CDH13: variants seen among roughly 807,000 people sequenced by gnomAD.
CDH13 encodes cadherin-13.
CDH13 carries 24 observed loss-of-function variants against 63.8 expected under a neutral mutation model. The observed-to-expected ratio is 0.38, with a 90% CI of 0.27 to 0.53. CDH13 has a LOEUF of 0.53. CDH13 is among the 20% of genes least tolerant of loss of function. The pLI is 0.85. For synonymous variants in CDH13, 503 were observed against 355.3 expected (o/e 1.42, Z -4.67); for missense variants, 1,049 against 903.1 (o/e 1.16, Z -2.07).
intron 6 of CDH13, among the ~76,000 whole-genome samples, chr16:83,441,418 A>G (rs2072476731): frequency 1.3e-5 from 2 of 152,224 alleles, no homozygotes; most frequent in African/African-American, 4.8e-5. Flanking sequence ...TGTAAAACTT[A>G]TGTTCCTACC....
At chr16:83,623,075 C>T (rs1477005341) in intron 8 of CDH13, among the ~76,000 whole-genome samples, 1 of 152,212 alleles carries the variant, frequency 6.6e-6, no homozygotes, top group Non-Finnish European at 1.5e-5. Context: ...TCCTTTAAGA[C>T]TTGGCTCTGC....
intron 10 of CDH13, among the ~76,000 whole-genome samples, chr16:83,724,310 T>A (rs556103865): frequency 6.7e-6 from 1 of 148,682 alleles, no homozygotes; most frequent in African/African-American, 2.5e-5. Context: ...CATGGGTGAG[T>A]GATGAATGAA....
At chr16:82,717,835 C>A (rs1202189585) in intron 1 of CDH13, among the ~76,000 whole-genome samples, 3 of 150,936 alleles carry the variant, frequency 2.0e-5, no homozygotes, top group Non-Finnish European at 1.5e-5. Context: ...GATCATTATT[C>A]AGCCTACTGT....
intron 4 of CDH13, among the ~76,000 whole-genome samples, chr16:83,128,501 A>G (rs1366913070): frequency 6.6e-6 from 1 of 152,198 alleles, no homozygotes; most frequent in Non-Finnish European, 1.5e-5. Flanking sequence ...AGTACACAAT[A>G]CTTTCAGTTG....
At chr16:83,168,072 G>A (rs2037761190) in intron 4 of CDH13, among the ~76,000 whole-genome samples, 1 of 151,754 alleles carries the variant, frequency 6.6e-6, no homozygotes, top group Non-Finnish European at 1.5e-5. Context: ...AGAGGGGTAT[G>A]AGGGTTGAAA....
At chr16:83,424,678 G>T (rs569242308) in intron 6 of CDH13, among the ~76,000 whole-genome samples, 1 of 152,308 alleles carries the variant, frequency 6.6e-6, no homozygotes, top group Non-Finnish European at 1.5e-5. Context: ...GAATGAAAAA[G>T]TAATCTTTAG....
chr16:82,927,097 C>T (rs536480689), intron 2 of CDH13, among the ~76,000 whole-genome samples: 2 of 152,200 alleles, frequency 1.3e-5, no homozygotes, highest in African/African-American at 4.8e-5. Context: ...TGGCTGTTGG[C>T]CACAGTATCC....
intron 10 of CDH13, among the ~76,000 whole-genome samples, chr16:83,707,836 C>CAAAAAAA (rs61067563): frequency 5.6e-4 from 44 of 78,848 alleles, no homozygotes; most frequent in East Asian, 4.1e-3. Context: ...ACCCTAAAGG[C>CAAAAAAA]AAAAAAAAAA....
chr16:83,687,017 C>G (rs772304104), intron 10 of CDH13, among the ~76,000 whole-genome samples: 1 of 152,138 alleles, frequency 6.6e-6, no homozygotes, highest in Non-Finnish European at 1.5e-5. Context: ...CAAGAACAGC[C>G]TGACCAACAT....
intron 3 of CDH13, among the ~76,000 whole-genome samples, chr16:83,072,071 G>T (rs1229419290): frequency 6.6e-6 from 1 of 152,042 alleles, no homozygotes; most frequent in Non-Finnish European, 1.5e-5. Flanking sequence ...TTAACCCAGT[G>T]CATGCAAATA....
At chr16:83,308,483 T>C (rs1452068122) in intron 5 of CDH13, among the ~76,000 whole-genome samples, 2 of 152,246 alleles carry the variant, frequency 1.3e-5, no homozygotes, top group Non-Finnish European at 2.9e-5. Context: ...GAATTACATT[T>C]ACTCTCCACA....
intron 10 of CDH13, among the ~76,000 whole-genome samples, chr16:83,685,753 G>T (rs957258335): frequency 2.0e-5 from 3 of 152,172 alleles, no homozygotes; most frequent in South Asian, 2.1e-4. Context: ...GGCACAAATT[G>T]CTTCTTCCCC....
intron 6 of CDH13, among the ~76,000 whole-genome samples, chr16:83,464,436 G>T (rs186976226): frequency 6.6e-6 from 1 of 152,156 alleles, no homozygotes; most frequent in Non-Finnish European, 1.5e-5. Flanking sequence ...CGCTTGAACC[G>T]AGGAGGTGGA....
At chr16:82,887,224 A>G (rs2040920029) in intron 2 of CDH13, among the ~76,000 whole-genome samples, 1 of 152,174 alleles carries the variant, frequency 6.6e-6, no homozygotes, top group Admixed American at 6.5e-5. Context: ...ACATACTTTC[A>G]GCTTTGCAGG....
chr16:83,510,701 A>G (rs2074536635), intron 7 of CDH13, among the ~76,000 whole-genome samples: 1 of 152,196 alleles, frequency 6.6e-6, no homozygotes, highest in African/African-American at 2.4e-5. Context: ...GTCCTTGTCC[A>G]CCTACTTCTA....
At chr16:83,197,999 T>A (rs897955929) in intron 4 of CDH13, among the ~76,000 whole-genome samples, 4 of 152,204 alleles carry the variant, frequency 2.6e-5, no homozygotes, top group African/African-American at 9.6e-5. Flanking sequence ...GAAAAAGTAA[T>A]AAAAGTCAAT....
intron 5 of CDH13, among the ~76,000 whole-genome samples, chr16:83,272,556 C>T (rs183170838): frequency 6.6e-6 from 1 of 152,280 alleles, no homozygotes; most frequent in African/African-American, 2.4e-5. Context: ...AGATATCCAG[C>T]GTTGCAGTCC....
intron 3 of CDH13, among the ~76,000 whole-genome samples, chr16:83,081,513 G>T (rs1393745240): frequency 1.3e-5 from 2 of 152,176 alleles, no homozygotes; most frequent in Non-Finnish European, 2.9e-5. Context: ...TTTCTCCTTA[G>T]TTTGGGCTGC....
At chr16:82,735,643 G>T (rs993156473) in intron 1 of CDH13, among the ~76,000 whole-genome samples, 4 of 152,192 alleles carry the variant, frequency 2.6e-5, no homozygotes, top group African/African-American at 9.7e-5. Context: ...CAGTGTCTAT[G>T]AGCTGTGTGG....
Sources: allele counts gnomAD v4.1 joint callset (sites outside exome capture counted in the v4.1 genomes callset), GRCh38; gene constraint gnomAD v4.1.1; transcripts MANE v1.5; gene names NCBI Gene and HGNC (gene_info 2026-07-23, HGNC 2026-07-21).